The following CPED1 variants were observed in gnomAD, a reference collection of about 807,000 sequenced individuals.
The protein encoded by CPED1 is cadherin like and PC-esterase domain containing 1.
CPED1 carries 114 observed loss-of-function variants against 128.2 expected under a neutral mutation model. The observed-to-expected ratio is 0.89, with a 90% CI of 0.76 to 1.04. CPED1 has a LOEUF of 1.04. Ranked by LOEUF, CPED1 falls within the 50% of genes least tolerant of loss-of-function variation. The pLI, the probability that CPED1 is intolerant of heterozygous loss-of-function variation, is 0.00. For missense variants in CPED1, 1,211 were observed against 1,207.1 expected (o/e 1.00, Z -0.05); for synonymous variants, 462 against 426.7 (o/e 1.08, Z -1.02).
chr7:121,199,949 C>CT (rs569210591), intron 16 of CPED1, among the ~76,000 whole-genome samples: 15 of 151,888 alleles, frequency 9.9e-5, no homozygotes, highest in Admixed American at 6.6e-4. Flanking sequence ...AGTTCACATT[C>CT]TTTTTTTATA....
chr7:121,100,910 A>G (rs1433794021), intron 7 of CPED1, among the ~76,000 whole-genome samples: 1 of 152,090 alleles, frequency 6.6e-6, no homozygotes, highest in African/African-American at 2.4e-5. Flanking sequence ...AAATTTTAGA[A>G]TTTATTTCTG....
chr7:121,149,408 GAA>G (rs907483542), intron 16 of CPED1: 3 of 152,184 alleles, frequency 2.0e-5, no homozygotes, highest in Non-Finnish European at 2.9e-5. Flanking sequence ...TTGTGTTGAT[GAA>G]AAAGAGTCAT....
At chr7:121,118,170 T>G (rs1795298158) in intron 7 of CPED1, among the ~76,000 whole-genome samples, 1 of 152,190 alleles carries the variant, frequency 6.6e-6, no homozygotes, top group Non-Finnish European at 1.5e-5. Context: ...GTGAACAAAT[T>G]TTCTTCGTTC....
chr7:121,045,218 G>A (rs1266579449), intron 3 of CPED1, among the ~76,000 whole-genome samples: 1 of 152,164 alleles, frequency 6.6e-6, no homozygotes, highest in Non-Finnish European at 1.5e-5. Context: ...GCTGCACGAT[G>A]AGATTTCTCT....
At chr7:121,029,784 C>G (rs1053171435) in intron 3 of CPED1, among the ~76,000 whole-genome samples, 2 of 152,092 alleles carry the variant, frequency 1.3e-5, no homozygotes, top group Non-Finnish European at 2.9e-5. Context: ...ATCCTATTAT[C>G]TTGTCTTGTC....
At chr7:121,065,302 ATTG>A in intron 5 of CPED1, among the ~76,000 whole-genome samples, 1 of 152,276 alleles carries the variant, frequency 6.6e-6, no homozygotes, top group South Asian at 2.1e-4. Flanking sequence ...TTCTGTAGTT[ATTG>A]TTTTATATGA....
intron 7 of CPED1, among the ~76,000 whole-genome samples, chr7:121,119,623 A>C (rs980957310): frequency 1.3e-5 from 2 of 151,236 alleles, no homozygotes; most frequent in Non-Finnish European, 3.0e-5. Context: ...CAGGAGATCG[A>C]GACCATCCTG....
Position 121,294,806 on chromosome 7 carries a change from C to CAAAAAAAAAAAAAA in CPED1, c.2869-631_2869-618dup, listed in dbSNP as rs752742828. Among the ~76,000 whole-genome samples the CAAAAAAAAAAAAAA allele has an allele frequency of 5.0e-3, 308 of 61,328 alleles. 5 individuals are homozygous for CAAAAAAAAAAAAAA. The highest frequency in any genetic ancestry group is 0.016 in the African/African-American group (277 of 16,900). 40.2% of individuals were successfully genotyped at this position (61,328 alleles called of 152,430 possible). ...GATGGAGTTACTTTAGCCTTCTAAG[C>CAAAAAAAAAAAAAA]AAAAAAAAAAAAAAAAGTCTAAAAC... is the stretch of plus-strand genomic sequence containing the variant. On this transcript the variant is annotated intron_variant, in intron 22 of 22. Transcript: ENST00000310396.
intron 18 of CPED1, among the ~76,000 whole-genome samples, chr7:121,262,082 C>T (rs1214675752): frequency 6.6e-6 from 1 of 151,874 alleles, no homozygotes; most frequent in Non-Finnish European, 1.5e-5. Context: ...TTAATGAGTT[C>T]TTGCTTGTTA....
At chr7:121,187,830 A>G (rs529132612) in intron 16 of CPED1, among the ~76,000 whole-genome samples, 138 of 152,212 alleles carry the variant, frequency 9.1e-4, no homozygotes, top group African/African-American at 3.3e-3. Context: ...CCATTTTACA[A>G]TGTGGCCATA....
chr7:121,129,623 G>A (rs572811226), intron 11 of CPED1, among the ~76,000 whole-genome samples: 14 of 151,880 alleles, frequency 9.2e-5, no homozygotes, highest in African/African-American at 3.4e-4. Context: ...TTACTATGGA[G>A]AACATTTCTC....
At chr7:121,182,862 AC>A (rs1796929037) in intron 16 of CPED1, among the ~76,000 whole-genome samples, 1 of 151,990 alleles carries the variant, frequency 6.6e-6, no homozygotes, top group Non-Finnish European at 1.5e-5. Context: ...CTTGAGGACC[AC>A]TGTGCCTGGT....
At chr7:121,128,162 A>T (rs1201139094) in intron 10 of CPED1, among the ~76,000 whole-genome samples, 1 of 152,196 alleles carries the variant, frequency 6.6e-6, no homozygotes, top group African/African-American at 2.4e-5. Flanking sequence ...CCAAAGCATC[A>T]TTGAGCTATT....
intron 7 of CPED1, among the ~76,000 whole-genome samples, chr7:121,117,060 TTA>T (rs56761278): frequency 1.6e-5 from 2 of 128,886 alleles, no homozygotes; most frequent in South Asian, 2.4e-4. Context: ...TACACACATT[TTA>T]TATATATATA....
intron 4 of CPED1, chr7:121,051,983 T>TA (rs1428681591): frequency 6.6e-6 from 1 of 151,750 alleles, no homozygotes; most frequent in African/African-American, 2.4e-5. Context: ...CCACATCCAA[T>TA]AAAATCTCAA....
intron 9 of CPED1, among the ~76,000 whole-genome samples, chr7:121,126,351 T>C (rs1215626056): frequency 6.6e-6 from 1 of 152,148 alleles, no homozygotes; most frequent in Non-Finnish European, 1.5e-5. Context: ...TAGATATGTG[T>C]AGAGTGAAGT....
At chr7:121,091,167 C>T (rs1211073354) in intron 5 of CPED1, among the ~76,000 whole-genome samples, 1 of 129,838 alleles carries the variant, frequency 7.7e-6, no homozygotes, top group African/African-American at 2.6e-5. Flanking sequence ...TTAAATACTG[C>T]AGTAACTGAA....
intron 7 of CPED1, among the ~76,000 whole-genome samples, chr7:121,102,699 A>G (rs929787271): frequency 2.6e-5 from 4 of 152,134 alleles, no homozygotes; most frequent in African/African-American, 9.7e-5. Flanking sequence ...TTAACAAGGA[A>G]GGAACAACCA....
At position 121,087,665 on chromosome 7, in the gene CPED1, CTGT is replaced by C. The variant is rs1198785080; in HGVS notation, c.617-10032_617-10030del. 1.6e-3 allele frequency among the ~76,000 whole-genome samples: 215 copies of C among 131,558 alleles called. 6 individuals carry two copies. The highest frequency in any genetic ancestry group is 5.7e-3 in the African/African-American group (180 of 31,770). The allele number at this position is 131,558 out of a possible 152,430, so 86.3% of individuals were successfully genotyped here. A position where few individuals can be genotyped will look rare whatever the true frequency, so the allele number is the denominator to read the frequency against. ...GGATTCTTTCTTTTTCTTTTCTTTC[CTGT>C]TTTTTTTTTTTTGGCAGAGTCTTTC... On this transcript the variant is annotated intron_variant, in intron 5 of 22. Transcript: ENST00000310396.
Sources: gnomAD v4.1 joint callset for allele counts (sites outside exome capture counted in the v4.1 genomes callset) on GRCh38, gnomAD v4.1.1 for gene constraint, MANE v1.5 for transcripts, NCBI Gene and HGNC (gene_info 2026-07-23, HGNC 2026-07-21) for gene names.